Variants in MIS18A observed in about 807,000 individuals in gnomAD.
The protein encoded by MIS18A is MIS18 kinetochore protein A, also known as protein Mis18-alpha.
A neutral mutation model predicts 25.0 loss-of-function variants in MIS18A; 14 were observed. The observed-to-expected ratio is 0.56, with a 90% CI of 0.37 to 0.88. The LOEUF is 0.88. MIS18A is among the 40% of genes least tolerant of loss of function. MIS18A has a pLI of 0.00. For missense variants in MIS18A, 292 were observed against 290.8 expected (o/e 1.00, Z -0.03); for synonymous variants, 134 against 118.6 (o/e 1.13, Z -0.84).
chr21:32,237,696 T>C, the MIS18A span, among the ~76,000 whole-genome samples: 377 of 152,236 alleles, frequency 2.5e-3, 1 homozygote, highest in Non-Finnish European at 3.6e-3. Context: ...TAAATATATC[T>C]TATGAGTTTA....
At chr21:32,166,789 TC>T in the MIS18A span, among the ~76,000 whole-genome samples, 4 of 152,226 alleles carry the variant, frequency 2.6e-5, no homozygotes, top group South Asian at 8.3e-4. Flanking sequence ...TAGTGCTACC[TC>T]CCTGTGCTTG....
At chr21:32,182,554 C>T in the MIS18A span, among the ~76,000 whole-genome samples, 11 of 152,342 alleles carry the variant, frequency 7.2e-5, no homozygotes, top group African/African-American at 2.6e-4. Flanking sequence ...CACATTCCTG[C>T]CTGCAGTGGC....
Position 32,268,902 on chromosome 21 carries a change from C to T in MIS18A, c.*135G>A. 1.7e-6 allele frequency: 1 copy of T among 581,008 alleles called. No homozygotes were observed. Among genetic ancestry groups the T allele is most frequent in the Non-Finnish European group, 3.0e-6 (1 of 336,134 alleles). 36.0% of individuals were successfully genotyped at this position (581,008 alleles called of 1,614,324 possible). On this transcript the variant is annotated 3_prime_UTR_variant, in exon 5 of 5. Coordinates refer to ENST00000290130, the MANE Select transcript of MIS18A (RefSeq NM_018944.3). ...ACCTCCCAAGCTCATCTGATCCTCCCACCTCAGCGTTTCGCATGCCTGGCT... is the reference window on the plus strand; with the variant it reads ...ACCTCCCAAGCTCATCTGATCCTCCTACCTCAGCGTTTCGCATGCCTGGCT...
At chr21:32,222,929 C>A in the MIS18A span, among the ~76,000 whole-genome samples, 1 of 128,798 alleles carries the variant, frequency 7.8e-6, no homozygotes, top group Non-Finnish European at 1.6e-5. Flanking sequence ...AACAAGACTC[C>A]GTCTCAAAAA....
the MIS18A span, among the ~76,000 whole-genome samples, chr21:32,262,807 G>A: frequency 6.6e-6 from 1 of 152,180 alleles, no homozygotes; most frequent in Non-Finnish European, 1.5e-5. Context: ...TGAATGAAAT[G>A]AGGCCAGTTC....
the MIS18A span, among the ~76,000 whole-genome samples, chr21:32,221,421 A>G: frequency 6.6e-6 from 1 of 152,196 alleles, no homozygotes; most frequent in East Asian, 1.9e-4. Context: ...TTTATAGACA[A>G]GCAAATGCTG....
At chr21:32,232,665 C>T in the MIS18A span, among the ~76,000 whole-genome samples, 1 of 152,150 alleles carries the variant, frequency 6.6e-6, no homozygotes, top group South Asian at 2.1e-4. Context: ...AAAAATGCTG[C>T]ATGATCTCAC....
At chr21:32,193,137 C>T in the MIS18A span, among the ~76,000 whole-genome samples, 4 of 152,142 alleles carry the variant, frequency 2.6e-5, no homozygotes, top group South Asian at 2.1e-4. Context: ...AATTCCCTTG[C>T]GCTCTGTCCC....
intron 1 of MIS18A, chr21:32,277,912 A>T (rs2031846076): frequency 6.6e-6 from 1 of 152,212 alleles, no homozygotes; most frequent in African/African-American, 2.4e-5. Flanking sequence ...GCCGGTGGTG[A>T]ATTACTGCCA....
the MIS18A span, among the ~76,000 whole-genome samples, chr21:32,229,258 A>G: frequency 6.6e-6 from 1 of 152,236 alleles, no homozygotes; most frequent in Admixed American, 6.5e-5. Flanking sequence ...CTTCAAGGAC[A>G]TAGTCATTTT....
chr21:32,220,482 C>T, the MIS18A span, among the ~76,000 whole-genome samples: 34 of 152,312 alleles, frequency 2.2e-4, no homozygotes, highest in Non-Finnish European at 3.7e-4. Context: ...AGGTCACCAA[C>T]ATCAAAGATC....
chr21:32,220,829 A>G, the MIS18A span, among the ~76,000 whole-genome samples: 1 of 152,006 alleles, frequency 6.6e-6, no homozygotes, highest in African/African-American at 2.4e-5. Flanking sequence ...AACTTTGTGA[A>G]GCCTAAACAA....
downstream of MIS18A, among the ~76,000 whole-genome samples, chr21:32,265,199 C>T (rs1357823861): frequency 6.6e-6 from 1 of 152,200 alleles, no homozygotes; most frequent in Non-Finnish European, 1.5e-5. Flanking sequence ...TTGCTCTCGG[C>T]ACCTCCCCTG....
At chr21:32,191,641 C>T in the MIS18A span, among the ~76,000 whole-genome samples, 23,056 of 152,140 alleles carry the variant, frequency 0.15, 1,862 homozygotes, top group East Asian at 0.24. Flanking sequence ...TGGTGGCTCA[C>T]GGCTGTAATC....
chr21:32,163,096 T>A, the MIS18A span, among the ~76,000 whole-genome samples: 6 of 152,236 alleles, frequency 3.9e-5, no homozygotes, highest in African/African-American at 1.4e-4. Context: ...TCATCAGCTC[T>A]GTATAGAAGA....
chr21:32,251,733 T>A, the MIS18A span, among the ~76,000 whole-genome samples: 1 of 152,228 alleles, frequency 6.6e-6, no homozygotes, highest in African/African-American at 2.4e-5. Context: ...ACCAAAAAGT[T>A]AGATATTTAC....
chr21:32,242,316 T>A, the MIS18A span, among the ~76,000 whole-genome samples: 1 of 152,220 alleles, frequency 6.6e-6, no homozygotes, highest in African/African-American at 2.4e-5. Flanking sequence ...ATATGGCCAT[T>A]TCGGAAGGTG....
chr21:32,212,918 C>T, the MIS18A span, among the ~76,000 whole-genome samples: 3 of 151,824 alleles, frequency 2.0e-5, no homozygotes, highest in Non-Finnish European at 4.4e-5. Flanking sequence ...ACTGTGAGTC[C>T]ATTAAACCTC....
the MIS18A span, among the ~76,000 whole-genome samples, chr21:32,155,989 A>G: frequency 6.6e-6 from 1 of 152,214 alleles, no homozygotes; most frequent in African/African-American, 2.4e-5. Flanking sequence ...GCAGACAACT[A>G]TATTGCCATA....
Sources: gnomAD v4.1 joint callset for allele counts (sites outside exome capture counted in the v4.1 genomes callset) on GRCh38, gnomAD v4.1.1 for gene constraint, MANE v1.5 for transcripts, NCBI Gene and HGNC (gene_info 2026-07-23, HGNC 2026-07-21) for gene names.